The following UST variants were observed in gnomAD, a reference collection of about 807,000 sequenced individuals.
UST encodes the protein uronyl 2-sulfotransferase.
A neutral mutation model predicts 45.6 loss-of-function variants in UST; 21 were observed. That is an observed-to-expected ratio of 0.46 (90% CI 0.33 to 0.66). The LOEUF (loss-of-function observed/expected upper bound fraction) is 0.66. UST is among the 30% of genes least tolerant of loss of function. UST has a pLI of 0.02. For missense variants in UST, 463 were observed against 512.4 expected (o/e 0.90, Z 0.93); for synonymous variants, 215 against 200.6 (o/e 1.07, Z -0.61).
chr6:148,897,889 G>A (rs1305339193), intron 2 of UST, among the ~76,000 whole-genome samples: 1 of 152,118 alleles, frequency 6.6e-6, no homozygotes. Context: ...TCCCCGCTTT[G>A]ATGCCTTTGG....
chr6:148,861,351 T>C (rs1035055877), intron 1 of UST, among the ~76,000 whole-genome samples: 84 of 152,072 alleles, frequency 5.5e-4, no homozygotes, highest in African/African-American at 1.8e-3. Context: ...ATATCCCCTT[T>C]ATCATTTTTT....
Position 148,848,072 on chromosome 6 carries a change from C to T in UST, c.248-38914C>T, listed in dbSNP as rs187446902. ...TGGAATGATTGGCCCTGACCAGACA[C>T]GGAAAAAAATCTTAGGGTCATATAA... On this transcript the variant is annotated intron_variant, in intron 1 of 7. Transcript: ENST00000367463. Among the ~76,000 whole-genome samples the T allele has an allele frequency of 4.6e-5, 7 of 152,080 alleles. No homozygotes were observed. The South Asian group carries it at 6.2e-4, about 14-fold the overall frequency.
At chr6:148,888,817 GAAC>G (rs1168999957) in intron 2 of UST, among the ~76,000 whole-genome samples, 3 of 152,236 alleles carry the variant, frequency 2.0e-5, no homozygotes, top group South Asian at 2.1e-4. Flanking sequence ...AACAAAACAA[GAAC>G]AACAACAACA....
At chr6:148,813,421 G>C (rs1351740363) in intron 1 of UST, among the ~76,000 whole-genome samples, 1 of 148,392 alleles carries the variant, frequency 6.7e-6, no homozygotes, top group Admixed American at 6.8e-5. Flanking sequence ...TTGCTCTGTT[G>C]CCCAGGCTGG....
At position 148,747,423 on chromosome 6, in the gene UST, A is replaced by C; in HGVS notation, c.-8A>C. 1 of 1,402,798 alleles carries C rather than the reference A, an allele frequency of 7.1e-7. No homozygotes were observed. Among genetic ancestry groups the C allele is most frequent in the Non-Finnish European group, 9.3e-7 (1 of 1,075,190 alleles). 86.9% of individuals were successfully genotyped at this position (1,402,798 alleles called of 1,614,324 possible). On this transcript the variant is annotated 5_prime_UTR_variant, in exon 1 of 8. Transcript: ENST00000367463. ...ACGGGCAGGCTGTGGGAGGCAGCGG[A>C]GCAGGCGATGAAGAAGAAGCAGCAG...
chr6:148,926,425 A>G (rs2114904121), intron 2 of UST, among the ~76,000 whole-genome samples: 1 of 152,366 alleles, frequency 6.6e-6, no homozygotes, highest in Non-Finnish European at 1.5e-5. Context: ...AGCCCTTTTT[A>G]TTTCATGCAT....
At chr6:148,930,767 C>T (rs547346090) in intron 2 of UST, among the ~76,000 whole-genome samples, 3 of 152,270 alleles carry the variant, frequency 2.0e-5, no homozygotes, top group East Asian at 1.9e-4. Context: ...GGGCCATTAT[C>T]GTACCAATCT....
At chr6:148,893,192 A>G (rs889007297) in intron 2 of UST, among the ~76,000 whole-genome samples, 1 of 152,228 alleles carries the variant, frequency 6.6e-6, no homozygotes, top group Non-Finnish European at 1.5e-5. Flanking sequence ...TTGCATATAA[A>G]GTATTAGTAT....
chr6:149,016,453 G>A (rs1430906764), intron 5 of UST, among the ~76,000 whole-genome samples: 2 of 152,166 alleles, frequency 1.3e-5, no homozygotes, highest in Non-Finnish European at 2.9e-5. Context: ...TCTTGCTCTG[G>A]AGCAGTGTGC....
chr6:149,015,264 A>G (rs535998078), intron 5 of UST, among the ~76,000 whole-genome samples: 6 of 152,368 alleles, frequency 3.9e-5, no homozygotes, highest in African/African-American at 1.4e-4. Flanking sequence ...AGGAAAGCAT[A>G]TGGTTTTTAA....
At chr6:148,915,177 C>T (rs1218355902) in intron 2 of UST, among the ~76,000 whole-genome samples, 2 of 152,242 alleles carry the variant, frequency 1.3e-5, no homozygotes, top group East Asian at 3.9e-4. Context: ...TTTGGGAAGA[C>T]ACAAACATTC....
intron 2 of UST, among the ~76,000 whole-genome samples, chr6:148,901,053 G>A (rs2114863858): frequency 6.6e-6 from 1 of 152,226 alleles, no homozygotes; most frequent in East Asian, 1.9e-4. Context: ...CCTCAGCTCA[G>A]GATTCTTAAC....
chr6:148,991,645 A>G (rs767154903), intron 5 of UST, among the ~76,000 whole-genome samples: 11 of 151,988 alleles, frequency 7.2e-5, no homozygotes, highest in Non-Finnish European at 1.0e-4. Flanking sequence ...TCAATCATTC[A>G]TACTAACATA....
intron 4 of UST, among the ~76,000 whole-genome samples, chr6:148,959,574 T>A (rs1780604481): frequency 1.3e-5 from 2 of 152,206 alleles, no homozygotes; most frequent in African/African-American, 2.4e-5. Flanking sequence ...GGGGAGTGGA[T>A]CTCTGCCGCT....
intron 1 of UST, among the ~76,000 whole-genome samples, chr6:148,823,882 T>C (rs1204243458): frequency 6.6e-6 from 1 of 152,204 alleles, no homozygotes; most frequent in Non-Finnish European, 1.5e-5. Context: ...AGACTTCTAG[T>C]CTTCCACTAT....
chr6:148,752,747 G>A (rs1048211449), intron 1 of UST, among the ~76,000 whole-genome samples: 1 of 152,302 alleles, frequency 6.6e-6, no homozygotes, highest in Admixed American at 6.5e-5. Context: ...AGTATCTTTT[G>A]CTTCCTCAGA....
chr6:148,795,721 G>C (rs1021466743), intron 1 of UST, among the ~76,000 whole-genome samples: 1 of 152,062 alleles, frequency 6.6e-6, no homozygotes, highest in African/African-American at 2.4e-5. Flanking sequence ...CTGAGATGAC[G>C]TATTTTTGCC....
chr6:148,995,027 T>TTGTG (rs145094971), intron 5 of UST, among the ~76,000 whole-genome samples: 6 of 151,336 alleles, frequency 4.0e-5, no homozygotes, highest in East Asian at 3.9e-4. Context: ...TATCCTTATC[T>TTGTG]TGTGTGTGTG....
intron 1 of UST, among the ~76,000 whole-genome samples, chr6:148,754,940 T>C (rs902887211): frequency 2.0e-5 from 3 of 152,242 alleles, no homozygotes; most frequent in African/African-American, 7.2e-5. Context: ...TTACTTTGAA[T>C]ATTAAACACT....
Sources: allele counts gnomAD v4.1 joint callset (sites outside exome capture counted in the v4.1 genomes callset), GRCh38; gene constraint gnomAD v4.1.1; transcripts MANE v1.5; gene names NCBI Gene and HGNC (gene_info 2026-07-23, HGNC 2026-07-21).